Variants in SHCBP1 observed in about 807,000 individuals in gnomAD.
SHCBP1 encodes SHC SH2 domain-binding protein 1.
A neutral mutation model predicts 75.1 loss-of-function variants in SHCBP1; 60 were observed. The ratio of observed to expected loss-of-function variants is 0.80; its 90% CI spans 0.65 to 0.99. The LOEUF (loss-of-function observed/expected upper bound fraction) is 0.99, where lower values mean the gene tolerates loss of function less well. Ranked by LOEUF, SHCBP1 falls within the 50% of genes least tolerant of loss-of-function variation. The probability of loss-of-function intolerance (pLI) is 0.00; values close to 1 mark genes in which losing one functional copy is unlikely to be tolerated. For missense variants in SHCBP1, 709 were observed against 809.4 expected (o/e 0.88, Z 1.50); for synonymous variants, 290 against 293.2 (o/e 0.99, Z 0.11).
intron 12 of SHCBP1, 132 bp from the exon 13 acceptor site, chr16:46,582,186 G>A: frequency 1.2e-6 from 1 of 852,838 alleles, no homozygotes; most frequent in Non-Finnish European, 1.8e-6. Flanking sequence ...CCTCACACAG[G>A]ATCACCAATT....
chr16:46,587,258 T>C (rs1964967884), intron 10 of SHCBP1, among the ~76,000 whole-genome samples: 1 of 152,132 alleles, frequency 6.6e-6, no homozygotes, highest in South Asian at 2.1e-4. Flanking sequence ...GTACATATAA[T>C]ATACAACCTA....
intron 1 of SHCBP1, chr16:46,620,458 A>C (rs1471535244): frequency 1.3e-5 from 2 of 152,198 alleles, no homozygotes; most frequent in African/African-American, 4.8e-5. Flanking sequence ...AAGCGATGCC[A>C]TGCAGTATTT....
intron 10 of SHCBP1, chr16:46,584,369 T>C: frequency 8.2e-6 from 2 of 244,056 alleles, no homozygotes; most frequent in Non-Finnish European, 1.6e-5. Context: ...TCTACTCTCT[T>C]TCATTCTAGA....
At position 46,599,696 on chromosome 16, in the gene SHCBP1, AGCATCGTG is replaced by A; in HGVS notation, c.1345+127_1345+134del. ...AAAAAAAAAAAAAAAAAAAAAACTCAGCATCGTGAAGTGCAATAAAACAAGGTATGCCT... is the reference window on the plus strand; with the variant it reads ...AAAAAAAAAAAAAAAAAAAAAACTCAAAGTGCAATAAAACAAGGTATGCCT... On this transcript the variant is annotated intron_variant, in intron 9 of 12. Transcript: ENST00000303383. The A allele has an allele frequency of 2.3e-5, 9 of 392,240 alleles. No individual in the cohort carries two copies. The South Asian group carries it at 3.8e-4, about 17-fold the overall frequency. The allele number at this position is 392,240 out of a possible 1,614,324, so 24.3% of individuals were successfully genotyped here.
At chr16:46,610,544 ATT>A (rs60140518) in intron 4 of SHCBP1, among the ~76,000 whole-genome samples, 60 of 31,090 alleles carry the variant, frequency 1.9e-3, no homozygotes, top group African/African-American at 4.4e-3. Flanking sequence ...CATGGGGTCA[ATT>A]TTTTTTTTTT....
intron 11 of SHCBP1, 81 bp downstream of exon 11, chr16:46,583,922 A>G (rs1964909829): frequency 7.8e-7 from 1 of 1,280,180 alleles, no homozygotes; most frequent in African/African-American, 1.5e-5. Context: ...CAGAAAATAG[A>G]ACCCAACAAT....
intron 9 of SHCBP1, among the ~76,000 whole-genome samples, chr16:46,597,286 G>T (rs1406429214): frequency 6.6e-6 from 1 of 152,166 alleles, no homozygotes; most frequent in Non-Finnish European, 1.5e-5. Context: ...GCACACGCCT[G>T]TAGTCCCAGC....
rs758268445 is a variant in SHCBP1 at position 46,621,375 on chromosome 16, A to G, written c.-16T>C. 3.1e-6 allele frequency: 5 copies of G among 1,609,652 alleles called. No homozygotes were observed. In the South Asian group the frequency reaches 4.4e-5, roughly 14 times the overall value. ...CGTCAGCCATTTCAAATTTCCGCGG[A>G]CGGCAGCCCAGGCAACGACGTGATG... On this transcript the variant is annotated 5_prime_UTR_variant, in exon 1 of 13. Coordinates refer to ENST00000303383, the MANE Select transcript of SHCBP1 (RefSeq NM_024745.5).
intron 1 of SHCBP1, among the ~76,000 whole-genome samples, chr16:46,619,019 G>T (rs1053431092): frequency 6.6e-6 from 1 of 152,170 alleles, no homozygotes; most frequent in African/African-American, 2.4e-5. Context: ...ATATCAGTCT[G>T]TCAATCGCCC....
At chr16:46,600,371 T>C (rs1467299585) in intron 8 of SHCBP1, among the ~76,000 whole-genome samples, 1 of 152,036 alleles carries the variant, frequency 6.6e-6, no homozygotes, top group Admixed American at 6.6e-5. Flanking sequence ...GAGGCTAAGG[T>C]GGGAGGGTCA....
intron 8 of SHCBP1, among the ~76,000 whole-genome samples, chr16:46,600,865 T>C (rs973285070): frequency 6.6e-6 from 1 of 151,128 alleles, no homozygotes; most frequent in Non-Finnish European, 1.5e-5. Flanking sequence ...ATATAAAAAT[T>C]AGCCGAGTGT....
intron 3 of SHCBP1, among the ~76,000 whole-genome samples, chr16:46,617,174 G>C (rs778032918): frequency 6.6e-6 from 1 of 152,216 alleles, no homozygotes; most frequent in East Asian, 1.9e-4. Context: ...AAACAAATTT[G>C]CTAGGCAAAA....
intron 9 of SHCBP1, among the ~76,000 whole-genome samples, chr16:46,599,603 A>C (rs1026130870): frequency 3.6e-5 from 5 of 140,000 alleles, no homozygotes; most frequent in African/African-American, 1.3e-4. Flanking sequence ...CAAGGTGAGC[A>C]TATGCTCTTG....
chr16:46,605,469 T>G (rs1965310714), intron 5 of SHCBP1, among the ~76,000 whole-genome samples: 1 of 152,098 alleles, frequency 6.6e-6, no homozygotes, highest in African/African-American at 2.4e-5. Flanking sequence ...GCACTTGTAG[T>G]CTCAGCTACT....
intron 9 of SHCBP1, among the ~76,000 whole-genome samples, chr16:46,598,008 C>T (rs907999393): frequency 6.6e-6 from 1 of 152,200 alleles, no homozygotes; most frequent in African/African-American, 2.4e-5. Flanking sequence ...AATTCAGTCA[C>T]GTCTTGAGGT....
At chr16:46,595,418 T>G in intron 10 of SHCBP1, 134 bp downstream of exon 10, 1 of 756,100 alleles carries the variant, frequency 1.3e-6, no homozygotes, top group Non-Finnish European at 2.3e-6. Context: ...CTTGCACAGT[T>G]GAGTTTGACT....
intron 5 of SHCBP1, 57 bp from the exon 6 acceptor site, chr16:46,604,518 T>C (rs1227486305): frequency 4.0e-6 from 5 of 1,241,122 alleles, no homozygotes; most frequent in Non-Finnish European, 5.8e-6. Flanking sequence ...TTTCCTATCA[T>C]TAAAACAGCC....
intron 10 of SHCBP1, among the ~76,000 whole-genome samples, chr16:46,588,355 C>A (rs1158127496): frequency 6.6e-6 from 1 of 151,682 alleles, no homozygotes; most frequent in Non-Finnish European, 1.5e-5. Flanking sequence ...CACAAAAAAC[C>A]CTTCAAAAAA....
chr16:46,588,217 G>A, intron 10 of SHCBP1, among the ~76,000 whole-genome samples: 1 of 151,960 alleles, frequency 6.6e-6, no homozygotes, highest in Non-Finnish European at 1.5e-5. Flanking sequence ...AGAGAAAGCA[G>A]GAAAGATCTA....
Sources: allele counts gnomAD v4.1 joint callset (sites outside exome capture counted in the v4.1 genomes callset), GRCh38; gene constraint gnomAD v4.1.1; transcripts MANE v1.5; gene names NCBI Gene and HGNC (gene_info 2026-07-23, HGNC 2026-07-21).